Variants in DAB1 observed in about 807,000 individuals in gnomAD.
The protein encoded by DAB1 is DAB adaptor protein 1.
A neutral mutation model predicts 64.6 loss-of-function variants in DAB1; 15 were observed. That is an observed-to-expected ratio of 0.23 (90% CI 0.16 to 0.36). The LOEUF is 0.36. DAB1 is among the 10% of genes least tolerant of loss of function. DAB1 has a pLI of 1.00. For missense variants in DAB1, 596 were observed against 706.7 expected (o/e 0.84, Z 1.78); for synonymous variants, 235 against 251.9 (o/e 0.93, Z 0.64).
intron 4 of DAB1, among the ~76,000 whole-genome samples, chr1:57,083,231 A>G (rs541313668): frequency 1.3e-5 from 2 of 152,326 alleles, no homozygotes; most frequent in African/African-American, 2.4e-5. Flanking sequence ...CGGGTCACAC[A>G]GCCCATAAGG....
chr1:57,041,292 G>T (rs544189245), intron 9 of DAB1, among the ~76,000 whole-genome samples: 7 of 152,158 alleles, frequency 4.6e-5, no homozygotes, highest in Non-Finnish European at 8.8e-5. Context: ...AACATTTCCC[G>T]AATGCCCATT....
intron 5 of DAB1, 114 bp from the exon 6 acceptor site, chr1:57,071,755 G>T: frequency 1.0e-6 from 1 of 998,646 alleles, no homozygotes; most frequent in Non-Finnish European, 1.5e-6. Flanking sequence ...TAATCTGAAA[G>T]CATTCCATTC....
intron 7 of DAB1, among the ~76,000 whole-genome samples, chr1:57,575,921 T>C (rs1003954649): frequency 6.6e-5 from 10 of 152,180 alleles, no homozygotes; most frequent in African/African-American, 9.7e-5. Context: ...CGGCTTGAAT[T>C]AGGTTCACCC....
intron 4 of DAB1, among the ~76,000 whole-genome samples, chr1:57,133,096 A>G (rs943321679): frequency 6.6e-6 from 1 of 152,154 alleles, no homozygotes. Flanking sequence ...TTGCCGTAGC[A>G]TACTTAGATT....
In DAB1 at chr1:57,201,001, T is replaced by A. The variant is rs528041440; in HGVS notation, c.68-55572A>T. On this transcript the variant is annotated intron_variant, in intron 2 of 14. Coordinates refer to ENST00000371236, the MANE Select transcript of DAB1 (RefSeq NM_001365792.1). ...AAGGAATAAATGCAGATGAGAGAAT[T>A]GAGGCAGCATTCACTGTGAGAGAAC... Among the ~76,000 whole-genome samples, 5 of 152,290 alleles carry A rather than the reference T, an allele frequency of 3.3e-5. No individual in the cohort carries two copies. In the East Asian group the frequency reaches 5.8e-4, roughly 18 times the overall value.
At chr1:58,270,571 T>G (rs1661290827) in intron 4 of DAB1, among the ~76,000 whole-genome samples, 1 of 53,884 alleles carries the variant, frequency 1.9e-5, no homozygotes, top group Non-Finnish European at 3.8e-5. Flanking sequence ...AAGTCATTGG[T>G]AGCTTGATGG....
At chr1:57,749,355 G>T (rs1648444716) in intron 6 of DAB1, among the ~76,000 whole-genome samples, 1 of 152,182 alleles carries the variant, frequency 6.6e-6, no homozygotes, top group South Asian at 2.1e-4. Context: ...GTAGTCAGAA[G>T]CCAGTGCCCT....
At chr1:57,253,521 G>A (rs1669520220) in intron 2 of DAB1, among the ~76,000 whole-genome samples, 1 of 152,150 alleles carries the variant, frequency 6.6e-6, no homozygotes, top group East Asian at 1.9e-4. Context: ...AAGGAGGAAA[G>A]AGAGTCCAGA....
chr1:58,301,443 C>T (rs1662167455), intron 4 of DAB1, among the ~76,000 whole-genome samples: 1 of 152,140 alleles, frequency 6.6e-6, no homozygotes, highest in Non-Finnish European at 1.5e-5. Flanking sequence ...TTGAATGTAG[C>T]TCAACACAAA....
chr1:57,408,451 C>T (rs562461644), intron 1 of DAB1, among the ~76,000 whole-genome samples: 3 of 152,294 alleles, frequency 2.0e-5, no homozygotes, highest in Non-Finnish European at 4.4e-5. Context: ...TCAGTAGCCT[C>T]ATGTCACTTC....
chr1:57,550,106 T>C (rs919941229), intron 7 of DAB1, among the ~76,000 whole-genome samples: 2 of 152,186 alleles, frequency 1.3e-5, no homozygotes, highest in Non-Finnish European at 2.9e-5. Context: ...CTGGGGCCCT[T>C]AATTAGCTAC....
chr1:57,726,057 C>A (rs1462883697), intron 6 of DAB1, among the ~76,000 whole-genome samples: 1 of 152,160 alleles, frequency 6.6e-6, no homozygotes, highest in African/African-American at 2.4e-5. Context: ...CCCGGCCTAT[C>A]TGTTCTTTCA....
intron 9 of DAB1, among the ~76,000 whole-genome samples, chr1:57,046,846 G>A (rs58394001): frequency 0.025 from 3,748 of 152,286 alleles, 150 homozygotes; most frequent in African/African-American, 0.085. Context: ...TGGACAAAGA[G>A]TTTCAGGGAC....
intron 3 of DAB1, among the ~76,000 whole-genome samples, chr1:58,394,326 A>G (rs1644501037): frequency 6.6e-6 from 1 of 152,230 alleles, no homozygotes; most frequent in Non-Finnish European, 1.5e-5. Flanking sequence ...AATTAAAGAT[A>G]CACTTACCAT....
intron 7 of DAB1, among the ~76,000 whole-genome samples, chr1:57,482,102 T>A (rs1644028358): frequency 6.6e-6 from 1 of 152,054 alleles, no homozygotes; most frequent in South Asian, 2.1e-4. Flanking sequence ...TGGGAAATTT[T>A]ATCTCCTCTG....
At chr1:57,490,401 T>C (rs1320584744) in intron 7 of DAB1, among the ~76,000 whole-genome samples, 1 of 152,176 alleles carries the variant, frequency 6.6e-6, no homozygotes, top group Non-Finnish European at 1.5e-5. Context: ...ATATTTAATA[T>C]TTTATCACAT....
chr1:57,641,771 T>C (rs569153479), intron 7 of DAB1, among the ~76,000 whole-genome samples: 1 of 152,296 alleles, frequency 6.6e-6, no homozygotes, highest in East Asian at 1.9e-4. Context: ...TTATTGCTAT[T>C]CAAATCTTTT....
At chr1:57,129,139 A>G (rs963894453) in intron 4 of DAB1, among the ~76,000 whole-genome samples, 6 of 152,202 alleles carry the variant, frequency 3.9e-5, no homozygotes, top group African/African-American at 1.4e-4. Context: ...GATAAGAGGA[A>G]TCATCAAGAA....
chr1:57,292,714 G>A (rs77908164), intron 1 of DAB1, among the ~76,000 whole-genome samples: 1 of 152,034 alleles, frequency 6.6e-6, no homozygotes, highest in African/African-American at 2.4e-5. Flanking sequence ...GCTCATTCAT[G>A]TTAACAGACA....
Sources: gnomAD v4.1 joint callset for allele counts (sites outside exome capture counted in the v4.1 genomes callset) on GRCh38, gnomAD v4.1.1 for gene constraint, MANE v1.5 for transcripts, NCBI Gene and HGNC (gene_info 2026-07-23, HGNC 2026-07-21) for gene names.